ICA1: variants seen among roughly 807,000 people sequenced by gnomAD.
The protein encoded by ICA1 is 69 kDa islet cell autoantigen.
ICA1 carries 40 observed loss-of-function variants against 71.0 expected under a neutral mutation model. That is an observed-to-expected ratio of 0.56 (90% CI 0.44 to 0.73). The LOEUF is 0.73. Among genes scored for constraint, ICA1 ranks in the 30% least tolerant of loss-of-function variants. The pLI is 0.00. For missense variants in ICA1, 578 were observed against 576.5 expected (o/e 1.00, Z -0.03); for synonymous variants, 207 against 209.5 (o/e 0.99, Z 0.10).
chr7:8,215,486 G>A (rs554451861), intron 6 of ICA1, among the ~76,000 whole-genome samples: 2 of 152,152 alleles, frequency 1.3e-5, no homozygotes, highest in South Asian at 2.1e-4. Flanking sequence ...AGACACTACT[G>A]TTCACCATGC....
chr7:8,243,941 T>C (rs1326011514), intron 1 of ICA1, among the ~76,000 whole-genome samples: 1 of 152,178 alleles, frequency 6.6e-6, no homozygotes, highest in Non-Finnish European at 1.5e-5. Context: ...TGGAAGAACA[T>C]TCCATGCTCA....
intron 9 of ICA1, among the ~76,000 whole-genome samples, chr7:8,142,446 CA>C (rs1795560550): frequency 6.6e-6 from 1 of 152,148 alleles, no homozygotes; most frequent in South Asian, 2.1e-4. Context: ...TGTGAGCTTT[CA>C]AAAATGAAGC....
chr7:8,218,343 C>G lies in ICA1; in HGVS notation c.541G>C (p.Asp181His). 1 of 1,614,128 alleles carries G rather than the reference C, an allele frequency of 6.2e-7. No individual in the cohort carries two copies. The stretch of plus-strand genomic sequence containing the variant: ...TCCATTTGCTTGTAGAGGTCTGGAT[C>G]AAGCTCCTGAGACACGTCCTTCATC... ...LWMKDVSQEL[D>H]PDLYKQMEKF... is the part of the protein sequence containing the mutation. The change falls in exon 6 of 14, where the codon GAT (aspartate) becomes CAT (histidine). Residue 181 changes from aspartate to histidine, a missense_variant. Transcript: ENST00000402384.
intron 10 of ICA1, among the ~76,000 whole-genome samples, chr7:8,140,963 A>C (rs986413733): frequency 3.6e-4 from 55 of 152,170 alleles, no homozygotes; most frequent in African/African-American, 1.3e-3. Context: ...GCAGGAAGAG[A>C]TGCATATGTC....
At chr7:8,200,371 A>T (rs1407341842) in intron 6 of ICA1, among the ~76,000 whole-genome samples, 1 of 150,580 alleles carries the variant, frequency 6.6e-6, no homozygotes, top group Non-Finnish European at 1.5e-5. Context: ...GAACAATTAC[A>T]AAACAATATA....
rs191983955 is a variant in ICA1, at chr7:8,120,334, A to G, written c.1331-6290T>C. Among the ~76,000 whole-genome samples, 79 of 152,350 alleles carry G rather than the reference A, an allele frequency of 5.2e-4. 1 individual carries two copies. The highest frequency in any genetic ancestry group is 5.9e-5 in the Non-Finnish European group (4 of 68,030). ...ACTATTTATGGGAAAAAAAGCAAATACTAAGCTCAGCTACAGTTCCAACCT... is the reference window on the plus strand; with the variant it reads ...ACTATTTATGGGAAAAAAAGCAAATGCTAAGCTCAGCTACAGTTCCAACCT... On this transcript the variant is annotated intron_variant, in intron 13 of 13. Coordinates refer to ENST00000402384, the MANE Select transcript of ICA1 (RefSeq NM_001136020.3).
chr7:8,214,105 A>G (rs1367745188), intron 6 of ICA1, among the ~76,000 whole-genome samples: 1 of 152,220 alleles, frequency 6.6e-6, no homozygotes, highest in Non-Finnish European at 1.5e-5. Context: ...GCCCACGTAT[A>G]CATTTCTATA....
At chr7:8,187,493 C>T (rs574068828) in intron 6 of ICA1, among the ~76,000 whole-genome samples, 2 of 152,288 alleles carry the variant, frequency 1.3e-5, no homozygotes, top group African/African-American at 4.8e-5. Context: ...AATGTGAAGG[C>T]CCAGGACATT....
At chr7:8,217,273 A>G (rs1198086745) in intron 6 of ICA1, among the ~76,000 whole-genome samples, 4 of 152,212 alleles carry the variant, frequency 2.6e-5, no homozygotes, top group African/African-American at 7.2e-5. Flanking sequence ...GAAGGGTTCT[A>G]AATCACAAAC....
chr7:8,188,646 C>G (rs1182288256), intron 6 of ICA1, among the ~76,000 whole-genome samples: 2 of 152,186 alleles, frequency 1.3e-5, no homozygotes, highest in African/African-American at 4.8e-5. Flanking sequence ...CAAGAGGTAG[C>G]TGGGACTTCA....
At chr7:8,209,618 A>T (rs1293544867) in intron 6 of ICA1, among the ~76,000 whole-genome samples, 1 of 152,202 alleles carries the variant, frequency 6.6e-6, no homozygotes, top group African/African-American at 2.4e-5. Flanking sequence ...CTATTTATTT[A>T]CCTATTTGCT....
intron 1 of ICA1, among the ~76,000 whole-genome samples, chr7:8,251,357 A>G (rs1426238367): frequency 6.6e-6 from 1 of 151,230 alleles, no homozygotes; most frequent in Admixed American, 6.6e-5. Flanking sequence ...GATATAAATA[A>G]AAGCTGGTAA....
intron 6 of ICA1, among the ~76,000 whole-genome samples, chr7:8,186,985 C>A (rs1015115597): frequency 9.9e-5 from 15 of 152,278 alleles, no homozygotes; most frequent in African/African-American, 3.6e-4. Context: ...TTATGTTGTG[C>A]TTAATATGGA....
chr7:8,254,562 T>C (rs887321120), intron 1 of ICA1, among the ~76,000 whole-genome samples: 4 of 150,008 alleles, frequency 2.7e-5, no homozygotes, highest in African/African-American at 9.9e-5. Flanking sequence ...TTCTCTCTAC[T>C]TTCTCAGGAA....
chr7:8,129,401 G>A lies in ICA1; in HGVS notation c.1061-1259C>T, dbSNP rs566290911. Among the ~76,000 whole-genome samples the A allele has an allele frequency of 2.2e-3, 338 of 150,640 alleles. 1 individual carries two copies. The highest frequency in any genetic ancestry group is 2.0e-3 in the Non-Finnish European group (135 of 67,790). On this transcript the variant is annotated intron_variant, in intron 12 of 13. Transcript: ENST00000402384. ...TAAAAAAAAAAAAGTTCTCTGTGTT[G>A]GCTTTACTGGATCTATTTTCAATCA...
chr7:8,216,867 G>C (rs1795575580), intron 6 of ICA1, among the ~76,000 whole-genome samples: 1 of 152,138 alleles, frequency 6.6e-6, no homozygotes, highest in African/African-American at 2.4e-5. Flanking sequence ...TCGGTGTCTT[G>C]GTTATTGTGA....
chr7:8,238,306 T>C (rs1021578926), intron 1 of ICA1, among the ~76,000 whole-genome samples: 2 of 152,212 alleles, frequency 1.3e-5, no homozygotes, highest in African/African-American at 4.8e-5. Context: ...TTAATGTTTG[T>C]TTCCATTTTT....
rs1796124815 is a variant in ICA1 at position 8,144,093 on chromosome 7, C to T, written c.805-121G>A. 1 of 635,336 alleles carries T rather than the reference C, an allele frequency of 1.6e-6. No homozygotes were observed. The allele number at this position is 635,336 out of a possible 1,614,324, so 39.4% of individuals were successfully genotyped here. A position where few individuals can be genotyped will look rare whatever the true frequency, so the allele number is the denominator to read the frequency against. ...ACTGCCATTTGTCCCAGCAACCAAA[C>T]TTTGAATTACAGGTATTGGGAGGTG... is the stretch of plus-strand genomic sequence containing the variant. On this transcript the variant is annotated intron_variant, in intron 8 of 13. Transcript: ENST00000402384. This position sits in a 1 kb window ranked among gnomAD's most constrained non-coding sequence, Gnocchi z 4.5.
At chr7:8,211,817 T>C (rs1356197767) in intron 6 of ICA1, among the ~76,000 whole-genome samples, 2 of 152,208 alleles carry the variant, frequency 1.3e-5, no homozygotes, top group African/African-American at 2.4e-5. Flanking sequence ...GTAAGTATTT[T>C]TAGCTTTGTG....
Sources: gnomAD v4.1 joint callset for allele counts (sites outside exome capture counted in the v4.1 genomes callset) on GRCh38, gnomAD v4.1.1 for gene constraint, Gnocchi (gnomAD v3.1) non-coding constraint, MANE v1.5 for transcripts, NCBI Gene and HGNC (gene_info 2026-07-23, HGNC 2026-07-21) for gene names.